Variants in KLHL18 observed in about 807,000 individuals in gnomAD.
KLHL18 encodes the protein kelch-like protein 18.
A neutral mutation model predicts 58.5 loss-of-function variants in KLHL18; 38 were observed. That is an observed-to-expected ratio of 0.65 (90% CI 0.50 to 0.85). The LOEUF is 0.85. Ranked by LOEUF, KLHL18 falls within the 40% of genes least tolerant of loss-of-function variation. The probability of loss-of-function intolerance (pLI) is 0.00; values close to 1 mark genes in which losing one functional copy is unlikely to be tolerated. For missense variants in KLHL18, 624 were observed against 778.4 expected, an observed-to-expected ratio of 0.80 and a Z score of 2.36; for synonymous variants, 303 against 301.9, an observed-to-expected ratio of 1.00 and a Z score of -0.04.
At chr3:47,290,618 C>T (rs1382439905) in intron 1 of KLHL18, among the ~76,000 whole-genome samples, 1 of 152,098 alleles carries the variant, frequency 6.6e-6, no homozygotes, top group African/African-American at 2.4e-5. Flanking sequence ...TATGCCACCA[C>T]GCCTGGCTAA....
intron 1 of KLHL18, among the ~76,000 whole-genome samples, chr3:47,295,972 T>C (rs528167728): frequency 1.3e-5 from 2 of 152,304 alleles, no homozygotes; most frequent in African/African-American, 4.8e-5. Flanking sequence ...GAAGACAGTC[T>C]TCTCATATCC....
At chr3:47,294,180 G>C (rs1350578246) in intron 1 of KLHL18, among the ~76,000 whole-genome samples, 1 of 152,146 alleles carries the variant, frequency 6.6e-6, no homozygotes, top group Non-Finnish European at 1.5e-5. Context: ...TAGGGAATGA[G>C]CTACTAACAG....
intron 1 of KLHL18, among the ~76,000 whole-genome samples, chr3:47,294,034 A>G (rs1169778779): frequency 6.6e-6 from 1 of 152,208 alleles, no homozygotes; most frequent in Non-Finnish European, 1.5e-5. Context: ...CCACTGTCCT[A>G]ATTGAGATCC....
chr3:47,300,311 G>GTATA (rs1396655411), intron 1 of KLHL18, among the ~76,000 whole-genome samples: 57 of 115,892 alleles, frequency 4.9e-4, no homozygotes, highest in African/African-American at 1.6e-3. Flanking sequence ...ATATATATAT[G>GTATA]TGTGTATATA....
intron 3 of KLHL18, among the ~76,000 whole-genome samples, chr3:47,324,298 C>CTTTCTTTTTTTTTT (rs1703659922): frequency 5.3e-5 from 2 of 37,486 alleles, no homozygotes; most frequent in Non-Finnish European, 9.4e-5. Context: ...TTCTTTCTTT[C>CTTTCTTTTTTTTTT]TTTTTTTTTT....
intron 1 of KLHL18, among the ~76,000 whole-genome samples, chr3:47,317,083 A>G (rs1703472322): frequency 6.6e-6 from 1 of 152,186 alleles, no homozygotes; most frequent in South Asian, 2.1e-4. Flanking sequence ...CATTGTACAT[A>G]GACCCCTTCT....
chr3:47,334,619 A>G lies in KLHL18; in HGVS notation c.762-64A>G. 6.3e-7 allele frequency: 1 copy of G among 1,582,608 alleles called. No individual in the cohort carries two copies. ...GTTGGCAGTGGAGAGCCAGGCTCAG[A>G]GATGCAAACGAGGACTAAGTCAGGG... On this transcript the variant is annotated intron_variant, in intron 5 of 9. Transcript: ENST00000232766. This position sits in a 1 kb window ranked among gnomAD's most constrained non-coding sequence, Gnocchi z 4.7.
intron 1 of KLHL18, among the ~76,000 whole-genome samples, chr3:47,310,719 C>G (rs1231163246): frequency 1.3e-5 from 2 of 152,236 alleles, no homozygotes; most frequent in African/African-American, 4.8e-5. Context: ...TGCCAGATCG[C>G]ACCAGTAACC....
At chr3:47,313,098 A>T (rs1703341823) in intron 1 of KLHL18, among the ~76,000 whole-genome samples, 1 of 150,580 alleles carries the variant, frequency 6.6e-6, no homozygotes, top group Non-Finnish European at 1.5e-5. Flanking sequence ...TTTAGTAGAG[A>T]CAGCGTTTCA....
intron 1 of KLHL18, among the ~76,000 whole-genome samples, chr3:47,302,119 A>G (rs1370393296): frequency 6.6e-6 from 1 of 152,178 alleles, no homozygotes; most frequent in Non-Finnish European, 1.5e-5. Flanking sequence ...CATATTTTGT[A>G]TGTTATGTGT....
At chr3:47,322,383 A>T (rs1163071717) in intron 2 of KLHL18, among the ~76,000 whole-genome samples, 185 bp from the exon 3 acceptor site, 1 of 152,142 alleles carries the variant, frequency 6.6e-6, no homozygotes. Flanking sequence ...CTTTTTTAGA[A>T]TTTTCTGTAG....
At chr3:47,302,473 G>C (rs887372537) in intron 1 of KLHL18, among the ~76,000 whole-genome samples, 2 of 152,146 alleles carry the variant, frequency 1.3e-5, no homozygotes, top group Non-Finnish European at 2.9e-5. Context: ...AACAGAGCGA[G>C]ACTCTGTCTC....
intron 1 of KLHL18, among the ~76,000 whole-genome samples, chr3:47,309,113 GAGGC>G (rs1184356585): frequency 6.6e-6 from 1 of 152,188 alleles, no homozygotes; most frequent in Non-Finnish European, 1.5e-5. Context: ...ACAGCATCCC[GAGGC>G]AGAAGAATTT....
intron 9 of KLHL18, among the ~76,000 whole-genome samples, chr3:47,343,108 G>A (rs1704145965): frequency 2.0e-5 from 3 of 152,180 alleles, no homozygotes; most frequent in Admixed American, 2.0e-4. Context: ...CCTGCCCAAA[G>A]TAAGTTCAGT....
At chr3:47,297,799 A>G in intron 1 of KLHL18, 1 of 352,692 alleles carries the variant, frequency 2.8e-6, no homozygotes, top group South Asian at 2.2e-5. Context: ...CTAGGATATA[A>G]CCTTCCTTTC....
intron 1 of KLHL18, among the ~76,000 whole-genome samples, chr3:47,293,831 G>C (rs968097312): frequency 6.6e-6 from 1 of 152,128 alleles, no homozygotes; most frequent in Non-Finnish European, 1.5e-5. Flanking sequence ...TCTGTGTTAG[G>C]GGGGCACACA....
At chr3:47,290,373 T>C (rs893165236) in intron 1 of KLHL18, among the ~76,000 whole-genome samples, 5 of 152,254 alleles carry the variant, frequency 3.3e-5, no homozygotes, top group Non-Finnish European at 7.3e-5. Context: ...GGAAAACTTG[T>C]GCTTCTGAAT....
At chr3:47,303,609 G>C (rs935653523) in intron 1 of KLHL18, among the ~76,000 whole-genome samples, 1 of 152,202 alleles carries the variant, frequency 6.6e-6, no homozygotes, top group African/African-American at 2.4e-5. Flanking sequence ...CAGCTTTATA[G>C]GCAAGCTCTC....
At chr3:47,322,841 T>A (rs1157606232) in intron 3 of KLHL18, 133 bp downstream of exon 3, 1 of 817,068 alleles carries the variant, frequency 1.2e-6, no homozygotes, top group Admixed American at 4.2e-5. Context: ...TCTGCAGCAC[T>A]TACATTTCTT....
Sources: allele counts gnomAD v4.1 joint callset (sites outside exome capture counted in the v4.1 genomes callset), GRCh38; gene constraint gnomAD v4.1.1; non-coding constraint Gnocchi (gnomAD v3.1); transcripts MANE v1.5; gene names NCBI Gene and HGNC (gene_info 2026-07-23, HGNC 2026-07-21).